Variants in GSE1 observed in about 807,000 individuals in gnomAD.
The protein encoded by GSE1 is genetic suppressor element 1.
A neutral mutation model predicts 112.6 loss-of-function variants in GSE1; 32 were observed. That is an observed-to-expected ratio of 0.28 (90% confidence interval 0.21 to 0.38). The LOEUF (loss-of-function observed/expected upper bound fraction) is 0.38, where lower values mean the gene tolerates loss of function less well. Among genes scored for constraint, GSE1 ranks in the 10% least tolerant of loss-of-function variants. The pLI, the probability that GSE1 is intolerant of heterozygous loss-of-function variation, is 1.00. For synonymous variants in GSE1, 1,115 were observed against 735.6 expected (o/e 1.52, Z -8.35); for missense variants, 2,348 against 1,699.2 (o/e 1.38, Z -6.71).
intron 1 of GSE1, among the ~76,000 whole-genome samples, chr16:85,194,827 C>G (rs1164470270): frequency 1.3e-5 from 2 of 152,178 alleles, no homozygotes; most frequent in East Asian, 1.9e-4. Flanking sequence ...GGGGTGGACA[C>G]AAGTGTCTAC....
At chr16:85,251,601 G>A (rs991835381) in intron 1 of GSE1, among the ~76,000 whole-genome samples, 4 of 152,236 alleles carry the variant, frequency 2.6e-5, no homozygotes, top group East Asian at 1.9e-4. Flanking sequence ...GGCTGGGCCC[G>A]GGGCCTGCCT....
At chr16:85,549,022 C>A (rs1321425607) in intron 2 of GSE1, among the ~76,000 whole-genome samples, 1 of 152,102 alleles carries the variant, frequency 6.6e-6, no homozygotes, top group Non-Finnish European at 1.5e-5. Context: ...CTCTTGACCT[C>A]ATGATCCGCC....
chr16:85,584,266 C>T (rs2046587291), intron 1 of GSE1, among the ~76,000 whole-genome samples: 1 of 152,260 alleles, frequency 6.6e-6, no homozygotes, highest in South Asian at 2.1e-4. Context: ...GAGGGAGTTC[C>T]CAGTGGGCCT....
At chr16:85,557,475 T>C (rs2045292881) in intron 1 of GSE1, among the ~76,000 whole-genome samples, 1 of 152,106 alleles carries the variant, frequency 6.6e-6, no homozygotes, top group South Asian at 2.1e-4. Context: ...ATGTTGAGGC[T>C]TTTATAAAAT....
At chr16:85,456,995 C>T (rs923089617) in intron 2 of GSE1, among the ~76,000 whole-genome samples, 3 of 152,178 alleles carry the variant, frequency 2.0e-5, no homozygotes, top group African/African-American at 4.8e-5. Flanking sequence ...CAAGGGCTTC[C>T]GCAGCCTCCT....
At chr16:85,504,634 T>A (rs553971767) in intron 2 of GSE1, among the ~76,000 whole-genome samples, 141 of 152,326 alleles carry the variant, frequency 9.3e-4, no homozygotes, top group Non-Finnish European at 1.8e-3. Context: ...AAACAATTTT[T>A]AAACACAAAT....
At chr16:85,290,883 GC>G (rs1442335797) in intron 1 of GSE1, among the ~76,000 whole-genome samples, 2 of 152,208 alleles carry the variant, frequency 1.3e-5, no homozygotes, top group Non-Finnish European at 2.9e-5. Flanking sequence ...CAGTGTGGGA[GC>G]CCCACCCAGC....
chr16:85,431,652 A>T (rs1390747056), intron 2 of GSE1, among the ~76,000 whole-genome samples: 1 of 151,180 alleles, frequency 6.6e-6, no homozygotes, highest in Non-Finnish European at 1.5e-5. Flanking sequence ...GCCTCCCGCC[A>T]TTGGCCTTCC....
intron 13 of GSE1, 65 bp downstream of exon 13, chr16:85,666,412 C>T (rs928831910): frequency 3.4e-5 from 52 of 1,546,424 alleles, no homozygotes; most frequent in Middle Eastern, 2.2e-4. Flanking sequence ...AGTTGCTGAG[C>T]GCCACAGCTG....
intron 2 of GSE1, among the ~76,000 whole-genome samples, chr16:85,395,193 C>T (rs952958052): frequency 1.3e-5 from 2 of 152,184 alleles, no homozygotes; most frequent in Non-Finnish European, 2.9e-5. Flanking sequence ...GCTTCTCGAA[C>T]GTTACCCTGA....
Position 85,668,000 on chromosome 16 carries a change from C to G in GSE1, c.3131-140C>G, listed in dbSNP as rs377515190. ...AGAGGCCTTGGGCTAGGTCCCTCCT[C>G]TCTACGCGATGTCATCTTGGTCCCC... On this transcript the variant is annotated intron_variant, in intron 13 of 15. Coordinates refer to ENST00000253458, the MANE Select transcript of GSE1 (RefSeq NM_014615.5). 82 of 666,518 alleles carry G rather than the reference C, an allele frequency of 1.2e-4. 1 individual carries two copies. In the African/African-American group the frequency reaches 1.3e-3, roughly 11 times the overall value. The allele number at this position is 666,518 out of a possible 1,614,324, so 41.3% of individuals were successfully genotyped here. A position where few individuals can be genotyped will look rare whatever the true frequency, so the allele number is the denominator to read the frequency against.
chr16:85,266,299 G>A (rs1164520275), intron 1 of GSE1, among the ~76,000 whole-genome samples: 1 of 152,186 alleles, frequency 6.6e-6, no homozygotes, highest in Non-Finnish European at 1.5e-5. Context: ...GAGCTTGATT[G>A]CTCAGTTAGA....
At position 85,586,377 on chromosome 16, in the gene GSE1, C is replaced by CCCGAGTG. The variant is rs911287524; in HGVS notation, c.37+30025_37+30031dup. Among the ~76,000 whole-genome samples, 54 of 152,338 alleles carry CCCGAGTG rather than the reference C, an allele frequency of 3.5e-4. No individual in the cohort carries two copies. In the Middle Eastern group the frequency reaches 0.01, roughly 29 times the overall value. On this transcript the variant is annotated intron_variant, in intron 1 of 2. Coordinates refer to the GSE1 transcript ENST00000635906. ...CCTGGATGCCTTTGTCCGTGAGGTTCCCGAGTGCCGAGTGCCGGGAGGGAC... is the reference window on the plus strand; with the variant it reads ...CCTGGATGCCTTTGTCCGTGAGGTTCCCGAGTGCCGAGTGCCGAGTGCCGGGAGGGAC...
chr16:85,191,192 A>G (rs960516165), intron 1 of GSE1, among the ~76,000 whole-genome samples: 2 of 152,126 alleles, frequency 1.3e-5, no homozygotes, highest in African/African-American at 4.8e-5. Context: ...CCTGGGAAGC[A>G]GAGGCTGCAG....
upstream of GSE1, among the ~76,000 whole-genome samples, chr16:85,607,465 T>C (rs1567641247): frequency 6.6e-6 from 1 of 152,154 alleles, no homozygotes; most frequent in South Asian, 2.1e-4. Context: ...AAAACAGCTG[T>C]TAACTGATTG....
chr16:85,478,884 TTTCTTTCTTTCTTTCTTTCTTTCTTTC>T (rs1245841928), intron 2 of GSE1, among the ~76,000 whole-genome samples: 5 of 65,262 alleles, frequency 7.7e-5, no homozygotes, highest in Non-Finnish European at 1.3e-4. Flanking sequence ...TCTTTCTTTC[TTTCTTTCTTTCTTTCTTTCTTTCTTTC>T]TTTCTTTCTT....
At chr16:85,550,860 C>G (rs891220538) in intron 2 of GSE1, among the ~76,000 whole-genome samples, 1 of 152,202 alleles carries the variant, frequency 6.6e-6, no homozygotes, top group Non-Finnish European at 1.5e-5. Flanking sequence ...GGGGATCCGG[C>G]GGGCCGCATG....
intron 1 of GSE1, among the ~76,000 whole-genome samples, chr16:85,256,012 G>A (rs769621674): frequency 1.3e-5 from 2 of 152,222 alleles, no homozygotes; most frequent in Non-Finnish European, 2.9e-5. Context: ...AATCCTGCGT[G>A]ACCTCGGGCA....
At chr16:85,264,765 C>T (rs963004183) in intron 1 of GSE1, among the ~76,000 whole-genome samples, 12 of 152,040 alleles carry the variant, frequency 7.9e-5, no homozygotes, top group East Asian at 3.9e-4. Flanking sequence ...GAAATTGGCC[C>T]GTCCCCTGTG....
Sources: gnomAD v4.1 joint callset for allele counts (sites outside exome capture counted in the v4.1 genomes callset) on GRCh38, gnomAD v4.1.1 for gene constraint, MANE v1.5 for transcripts, NCBI Gene and HGNC (gene_info 2026-07-23, HGNC 2026-07-21) for gene names.